The following ALPK1 variants were observed in gnomAD, a reference collection of about 807,000 sequenced individuals.
ALPK1 encodes the protein alpha kinase 1.
ALPK1 carries 110 observed loss-of-function variants against 120.6 expected under a neutral mutation model. The ratio of observed to expected loss-of-function variants is 0.91; its 90% CI spans 0.78 to 1.07. The LOEUF (loss-of-function observed/expected upper bound fraction) is 1.07. Among genes scored for constraint, ALPK1 ranks in the 50% least tolerant of loss-of-function variants. The probability of loss-of-function intolerance (pLI) is 0.00; values close to 1 mark genes in which losing one functional copy is unlikely to be tolerated. For missense variants in ALPK1, 1,498 were observed against 1,483.9 expected, an observed-to-expected ratio of 1.01 and a Z score of -0.16; for synonymous variants, 582 against 560.3, an observed-to-expected ratio of 1.04 and a Z score of -0.55.
rs2148758659 is a variant in ALPK1, at chr4:112,425,669, C to G, written c.540C>G (p.Thr180=). 1 of 1,612,232 alleles carries G rather than the reference C, an allele frequency of 6.2e-7. No individual in the cohort carries two copies. Among genetic ancestry groups the G allele is most frequent in the Non-Finnish European group, 8.5e-7 (1 of 1,178,694 alleles). ...SLISNNGATG[T]WLYRNESDKV... ...AATTTTCATCTTTTCTTTTAGGTAC[C>G]TGGCTGTACAGAAATGAAAGTGACA... Residue 180 remains threonine (T), a synonymous_variant, in exon 7 of 16, where the codon ACC becomes ACG. Transcript: ENST00000650871.
intron 2 of ALPK1, chr4:112,356,119 C>T: frequency 2.6e-6 from 4 of 1,519,806 alleles, no homozygotes; most frequent in Non-Finnish European, 3.7e-6. Flanking sequence ...CTGTGCCCTC[C>T]TGAGAACAGG....
chr4:112,376,397 A>ATGTG (rs377573380), intron 2 of ALPK1, among the ~76,000 whole-genome samples: 4 of 151,510 alleles, frequency 2.6e-5, no homozygotes, highest in African/African-American at 7.3e-5. Flanking sequence ...TATGTGTGTA[A>ATGTG]TGTGTGTGTG....
intron 2 of ALPK1, chr4:112,316,216 C>T (rs1203750251): frequency 6.6e-6 from 1 of 152,140 alleles, no homozygotes; most frequent in South Asian, 2.1e-4. Flanking sequence ...TTCCCCAGCC[C>T]CTGGCAAACA....
intron 1 of ALPK1, among the ~76,000 whole-genome samples, chr4:112,309,123 G>T (rs916360270): frequency 6.6e-6 from 1 of 152,114 alleles, no homozygotes; most frequent in African/African-American, 2.4e-5. Context: ...CATCTCAGAG[G>T]GGTACCTGGC....
intron 5 of ALPK1, 196 bp from the exon 6 acceptor site, chr4:112,423,748 A>T: frequency 1.4e-6 from 1 of 697,218 alleles, no homozygotes; most frequent in Non-Finnish European, 2.6e-6. Flanking sequence ...TTCCCACCTT[A>T]CCAACTTAGG....
intron 5 of ALPK1, among the ~76,000 whole-genome samples, chr4:112,417,745 C>G (rs1267235567): frequency 6.6e-6 from 1 of 152,168 alleles, no homozygotes; most frequent in Non-Finnish European, 1.5e-5. Context: ...CTCAGCTTCC[C>G]AAAGTCCTGG....
chr4:112,381,620 G>A (rs1012767043), intron 3 of ALPK1, among the ~76,000 whole-genome samples: 6 of 152,192 alleles, frequency 3.9e-5, no homozygotes, highest in African/African-American at 1.2e-4. Flanking sequence ...AGCAGGTGGA[G>A]TGCAGTCAAA....
intron 2 of ALPK1, among the ~76,000 whole-genome samples, chr4:112,341,106 GGTGT>G (rs745396763): frequency 6.6e-6 from 1 of 152,076 alleles, no homozygotes; most frequent in Non-Finnish European, 1.5e-5. Flanking sequence ...GTTGGTCGGT[GGTGT>G]GTGTGTCTGT....
At chr4:112,373,999 C>T (rs1407906211) in intron 2 of ALPK1, among the ~76,000 whole-genome samples, 1 of 152,200 alleles carries the variant, frequency 6.6e-6, no homozygotes, top group African/African-American at 2.4e-5. Context: ...TTGCTGAAGG[C>T]TGGAGTGGCT....
chr4:112,393,173 A>G (rs1732499559), intron 4 of ALPK1, among the ~76,000 whole-genome samples: 1 of 152,262 alleles, frequency 6.6e-6, no homozygotes, highest in Non-Finnish European at 1.5e-5. Context: ...AAGAGAAGCC[A>G]TGTGGTCACA....
chr4:112,313,097 T>C (rs1055271873), intron 1 of ALPK1, among the ~76,000 whole-genome samples: 4 of 152,154 alleles, frequency 2.6e-5, no homozygotes, highest in Non-Finnish European at 5.9e-5. Context: ...CAAGTTACGG[T>C]TGAAAATATG....
chr4:112,318,666 G>A (rs1034191693), intron 2 of ALPK1, among the ~76,000 whole-genome samples: 2 of 152,188 alleles, frequency 1.3e-5, no homozygotes, highest in African/African-American at 4.8e-5. Context: ...AATGGGGAGA[G>A]GAACATTCAT....
At chr4:112,369,097 A>G (rs1232319224) in intron 2 of ALPK1, among the ~76,000 whole-genome samples, 1 of 152,184 alleles carries the variant, frequency 6.6e-6, no homozygotes, top group Non-Finnish European at 1.5e-5. Flanking sequence ...GAGATTTAAA[A>G]TGTTTTTGCA....
In ALPK1 at chr4:112,308,334, G is replaced by A. The variant is rs1222058352; in HGVS notation, c.-152-7467G>A. 3.3e-5 allele frequency among the ~76,000 whole-genome samples: 5 copies of A among 152,218 alleles called. No homozygotes were observed. In the East Asian group the frequency reaches 9.6e-4, roughly 29 times the overall value. On this transcript the variant is annotated intron_variant, in intron 1 of 15. Coordinates refer to ENST00000650871, the MANE Select transcript of ALPK1 (RefSeq NM_025144.4). ...GGGAAGTTGTCCTGGATAATATCCTGCAGAGTGTTTTCCAACTTGGTTCCA... is the reference window on the plus strand; with the variant it reads ...GGGAAGTTGTCCTGGATAATATCCTACAGAGTGTTTTCCAACTTGGTTCCA...
intron 1 of ALPK1, among the ~76,000 whole-genome samples, chr4:112,305,676 C>T (rs890657088): frequency 1.3e-5 from 2 of 152,078 alleles, no homozygotes; most frequent in African/African-American, 2.4e-5. Flanking sequence ...TCCAGATATA[C>T]AGTCACGTCA....
chr4:112,360,809 T>A (rs1730880770), intron 2 of ALPK1, among the ~76,000 whole-genome samples: 1 of 152,250 alleles, frequency 6.6e-6, no homozygotes, highest in Non-Finnish European at 1.5e-5. Context: ...TTTTTGCTTT[T>A]AGGTAACCAA....
At chr4:112,324,811 T>G (rs1315909587) in intron 2 of ALPK1, among the ~76,000 whole-genome samples, 2 of 152,136 alleles carry the variant, frequency 1.3e-5, no homozygotes, top group Non-Finnish European at 2.9e-5. Context: ...TGCAAGAACT[T>G]GCAGAGATGC....
intron 3 of ALPK1, 107 bp downstream of exon 3, chr4:112,378,005 G>T (rs1731744705): frequency 8.2e-7 from 1 of 1,225,256 alleles, no homozygotes. Context: ...TCTCTTGGCA[G>T]ATGACCACCG....
chr4:112,400,680 A>G (rs796712630), intron 4 of ALPK1, among the ~76,000 whole-genome samples: 9 of 152,348 alleles, frequency 5.9e-5, no homozygotes, highest in African/African-American at 2.2e-4. Context: ...TCCTGCATTC[A>G]GAACCAGTTG....
Sources: gnomAD v4.1 joint callset for allele counts (sites outside exome capture counted in the v4.1 genomes callset) on GRCh38, gnomAD v4.1.1 for gene constraint, MANE v1.5 for transcripts, NCBI Gene and HGNC (gene_info 2026-07-23, HGNC 2026-07-21) for gene names.